Variants in PTPN4 observed in about 807,000 individuals in gnomAD.
PTPN4 encodes the protein protein tyrosine phosphatase non-receptor type 4.
In PTPN4, 49 loss-of-function variants were observed where a neutral mutation model predicts 135.5. The ratio of observed to expected loss-of-function variants is 0.36; its 90% CI spans 0.29 to 0.46. PTPN4 has a LOEUF of 0.46. PTPN4 is among the 20% of genes least tolerant of loss of function. The probability of loss-of-function intolerance (pLI) is 1.00; values close to 1 mark genes in which losing one functional copy is unlikely to be tolerated. For missense variants in PTPN4, 860 were observed against 1,101.0 expected (o/e 0.78, Z 3.10); for synonymous variants, 333 against 369.9 (o/e 0.90, Z 1.14).
chr2:119,781,698 G>T (rs1690942764), intron 1 of PTPN4, among the ~76,000 whole-genome samples: 1 of 152,076 alleles, frequency 6.6e-6, no homozygotes, highest in Admixed American at 6.6e-5. Context: ...AATATTTCAT[G>T]ACCCATGAAA....
chr2:119,923,500 C>T (rs1026879944), intron 12 of PTPN4, among the ~76,000 whole-genome samples: 4 of 152,144 alleles, frequency 2.6e-5, no homozygotes, highest in Admixed American at 2.6e-4. Flanking sequence ...AACATGATCA[C>T]ATTGCCATTC....
chr2:119,893,374 G>T (rs1403349083), intron 9 of PTPN4, among the ~76,000 whole-genome samples: 1 of 152,198 alleles, frequency 6.6e-6, no homozygotes, highest in Admixed American at 6.5e-5. Context: ...GGAAAGACCT[G>T]GGAGAAGTAG....
intron 3 of PTPN4, among the ~76,000 whole-genome samples, chr2:119,867,038 GAT>G (rs1260328874): frequency 2.0e-5 from 3 of 152,118 alleles, no homozygotes. Context: ...CATATGCAGA[GAT>G]CAAGAGTGAA....
intron 1 of PTPN4, among the ~76,000 whole-genome samples, chr2:119,766,465 T>C (rs1396535733): frequency 0.094 from 11,556 of 122,840 alleles, 688 homozygotes; most frequent in African/African-American, 0.2. Flanking sequence ...TGTGTGTGTG[T>C]GTGTGTGTGT....
chr2:119,812,503 G>C (rs1028776156), intron 2 of PTPN4, among the ~76,000 whole-genome samples: 1 of 152,110 alleles, frequency 6.6e-6, no homozygotes, highest in African/African-American at 2.4e-5. Context: ...ATTTTCTGAG[G>C]GAAATTTTTG....
At chr2:119,935,026 C>A in intron 15 of PTPN4, 68 bp downstream of exon 15, 1 of 1,463,682 alleles carries the variant, frequency 6.8e-7, no homozygotes, top group Non-Finnish European at 9.3e-7. Flanking sequence ...TTAAAATAAT[C>A]TGGGAAATTA....
intron 10 of PTPN4, among the ~76,000 whole-genome samples, chr2:119,914,301 C>CT (rs1216609148): frequency 8.1e-6 from 1 of 123,048 alleles, no homozygotes; most frequent in Non-Finnish European, 1.6e-5. Flanking sequence ...TGCCCTCTCT[C>CT]TATGACAGAA....
intron 9 of PTPN4, among the ~76,000 whole-genome samples, chr2:119,886,644 A>G (rs938142340): frequency 5.9e-5 from 9 of 152,232 alleles, no homozygotes. Context: ...CCTAAAAAGG[A>G]TATCAACCTG....
intron 10 of PTPN4, among the ~76,000 whole-genome samples, chr2:119,903,331 CCCTG>C (rs1453262090): frequency 1.3e-5 from 2 of 152,034 alleles, no homozygotes; most frequent in Admixed American, 1.3e-4. Context: ...CATTTATATG[CCCTG>C]TCCACCGTCA....
chr2:119,939,064 A>G (rs1418344751), intron 15 of PTPN4, among the ~76,000 whole-genome samples: 1 of 152,240 alleles, frequency 6.6e-6, no homozygotes, highest in African/African-American at 2.4e-5. Flanking sequence ...ACAGGGTGAT[A>G]ATAATATCTA....
intron 3 of PTPN4, among the ~76,000 whole-genome samples, chr2:119,864,528 A>G (rs1677805170): frequency 6.6e-6 from 1 of 152,098 alleles, no homozygotes; most frequent in African/African-American, 2.4e-5. Flanking sequence ...GTAGGCTGGC[A>G]TTAGATTGAC....
chr2:119,888,806 C>T (rs901440102), intron 9 of PTPN4, among the ~76,000 whole-genome samples: 2 of 151,958 alleles, frequency 1.3e-5, no homozygotes, highest in Non-Finnish European at 2.9e-5. Context: ...CTAGTTTTTG[C>T]ATCTTTGTCT....
intron 1 of PTPN4, among the ~76,000 whole-genome samples, chr2:119,776,315 A>G (rs905149801): frequency 6.6e-6 from 1 of 152,110 alleles, no homozygotes; most frequent in Non-Finnish European, 1.5e-5. Flanking sequence ...AGCTGGGACT[A>G]CAGGCGCCTG....
At chr2:119,842,492 C>T (rs1220340541) in intron 2 of PTPN4, among the ~76,000 whole-genome samples, 1 of 152,026 alleles carries the variant, frequency 6.6e-6, no homozygotes, top group Non-Finnish European at 1.5e-5. Context: ...CATGGCCAAC[C>T]GTTTTCATGG....
chr2:119,773,005 G>C (rs1005336982), intron 1 of PTPN4, among the ~76,000 whole-genome samples: 12 of 152,140 alleles, frequency 7.9e-5, no homozygotes, highest in Non-Finnish European at 1.3e-4. Context: ...TCTTAGATAT[G>C]AGATTGTAGA....
intron 3 of PTPN4, 118 bp from the exon 4 acceptor site, chr2:119,877,205 T>C (rs1482381611): frequency 1.9e-6 from 2 of 1,077,304 alleles, no homozygotes; most frequent in African/African-American, 1.6e-5. Flanking sequence ...TTTTCCTACC[T>C]GGGCCTTTTC....
intron 15 of PTPN4, among the ~76,000 whole-genome samples, chr2:119,938,329 G>A (rs576536045): frequency 4.0e-5 from 6 of 151,800 alleles, no homozygotes; most frequent in Admixed American, 1.3e-4. Context: ...AGGTTTCACC[G>A]TGTTAGCCAG....
chr2:119,945,582 A>G (rs1467780809), intron 16 of PTPN4, among the ~76,000 whole-genome samples: 1 of 144,338 alleles, frequency 6.9e-6, no homozygotes, highest in Non-Finnish European at 1.5e-5. Context: ...CATGTACCCT[A>G]AAACTTAAAG....
At chr2:119,938,976 G>A (rs1679025199) in intron 15 of PTPN4, among the ~76,000 whole-genome samples, 2 of 152,274 alleles carry the variant, frequency 1.3e-5, no homozygotes, top group South Asian at 2.1e-4. Context: ...GGTTTAAAAC[G>A]TGGTTCCACT....
Sources: allele counts gnomAD v4.1 joint callset (sites outside exome capture counted in the v4.1 genomes callset), GRCh38; gene constraint gnomAD v4.1.1; transcripts MANE v1.5; gene names NCBI Gene and HGNC (gene_info 2026-07-23, HGNC 2026-07-21).